Variants in LAMC1 observed in about 807,000 individuals in gnomAD.
LAMC1 encodes laminin subunit gamma 1.
Under a neutral mutation model 173.6 loss-of-function variants are expected in LAMC1, and 38 were observed. That is an observed-to-expected ratio of 0.22 (90% CI 0.17 to 0.29). The LOEUF (loss-of-function observed/expected upper bound fraction) is 0.29, where lower values mean the gene tolerates loss of function less well. LAMC1 is among the 10% of genes least tolerant of loss of function. The pLI is 1.00. For missense variants in LAMC1, 1,824 were observed against 2,051.8 expected (o/e 0.89, Z 2.14); for synonymous variants, 746 against 749.1 (o/e 1.00, Z 0.07).
Position 183,114,425 on chromosome 1 carries a change from A to G in LAMC1, c.1022-106A>G, listed in dbSNP as rs954955356. The G allele has an allele frequency of 7.2e-6, 8 of 1,112,526 alleles. No homozygotes were observed. In the East Asian group the frequency reaches 1.6e-4, roughly 23 times the overall value. 68.9% of individuals were successfully genotyped at this position (1,112,526 alleles called of 1,614,324 possible). A position where few individuals can be genotyped will look rare whatever the true frequency, so the allele number is the denominator to read the frequency against. Reference sequence around the variant, plus strand: ...TGGTAATCATTCTTAGTCTACCACCATCTGTCTGTCTCAGAGATGTGGGAA... The same window carrying G: ...TGGTAATCATTCTTAGTCTACCACCGTCTGTCTGTCTCAGAGATGTGGGAA... On this transcript the variant is annotated intron_variant, in intron 4 of 27. Coordinates refer to ENST00000258341, the MANE Select transcript of LAMC1 (RefSeq NM_002293.4).
intron 1 of LAMC1, among the ~76,000 whole-genome samples, chr1:183,030,951 A>G (rs1653833821): frequency 1.3e-5 from 2 of 152,172 alleles, no homozygotes; most frequent in African/African-American, 2.4e-5. Flanking sequence ...CGCCTGTTGA[A>G]TACCCACTAC....
chr1:183,024,855 G>A (rs1225155257), intron 1 of LAMC1, among the ~76,000 whole-genome samples: 2 of 152,166 alleles, frequency 1.3e-5, no homozygotes, highest in African/African-American at 4.8e-5. Context: ...TTCATTCAAA[G>A]CAACTGTAGA....
chr1:183,024,194 G>T (rs976873543), intron 1 of LAMC1, 60 bp downstream of exon 1: 86 of 1,466,648 alleles, frequency 5.9e-5, no homozygotes, highest in Non-Finnish European at 7.5e-5. Flanking sequence ...TCCCGGACCG[G>T]CTCCGTCCCA....
Position 183,117,454 on chromosome 1 carries a change from T to C in LAMC1, c.1687+12T>C. On this transcript the variant is annotated intron_variant, in intron 9 of 27. Transcript: ENST00000258341. ...CTTCATTGCTCCTGGTAAGTAAGGC[T>C]AGAAAGCAGTCTGACCTGCTGTGTG... The C allele has an allele frequency of 6.2e-7, 1 of 1,612,120 alleles. No individual in the cohort carries two copies. Among genetic ancestry groups the C allele is most frequent in the South Asian group, 1.1e-5 (1 of 90,980 alleles).
At chr1:183,101,761 C>T (rs1655839617) in intron 1 of LAMC1, among the ~76,000 whole-genome samples, 1 of 152,056 alleles carries the variant, frequency 6.6e-6, no homozygotes, top group Non-Finnish European at 1.5e-5. Flanking sequence ...CAAAATGCCC[C>T]ATCCTGTGTT....
At chr1:183,071,413 G>A (rs906318949) in intron 1 of LAMC1, among the ~76,000 whole-genome samples, 5 of 152,150 alleles carry the variant, frequency 3.3e-5, no homozygotes, top group African/African-American at 9.7e-5. Flanking sequence ...CTGGGCCCTG[G>A]GAAGACAAGT....
Position 183,131,348 on chromosome 1 carries a change from T to C in LAMC1, c.3536T>C (p.Leu1179Ser). ...STGDPNNMTL[L>S]AEEARKLAER... is the part of the protein sequence containing the mutation. ...GGGGACCCAAACAACATGACTCTTTTGGCAGAAGAGGCTCGAAAGCTTGCT... is the reference window on the plus strand; with the variant it reads ...GGGGACCCAAACAACATGACTCTTTCGGCAGAAGAGGCTCGAAAGCTTGCT... Residue 1179 changes from leucine to serine, a missense_variant, in exon 20 of 28, where the codon TTG becomes TCG. Leu to Ser is a moderately radical substitution (Grantham distance 145, BLOSUM62 -2). Coordinates refer to ENST00000258341, the MANE Select transcript of LAMC1 (RefSeq NM_002293.4). The C allele has an allele frequency of 6.2e-7, 1 of 1,613,862 alleles. No homozygotes were observed. The highest frequency in any genetic ancestry group is 8.5e-7 in the Non-Finnish European group (1 of 1,179,914).
chr1:183,071,169 G>T (rs1655002736), intron 1 of LAMC1, among the ~76,000 whole-genome samples: 1 of 151,508 alleles, frequency 6.6e-6, no homozygotes, highest in Non-Finnish European at 1.5e-5. Context: ...GTATGTGTGT[G>T]TTTGTGTGTG....
rs1188006990 is a variant in LAMC1 at position 183,024,092 on chromosome 1, G to C, written c.376G>C (p.Gly126Arg). 5.6e-6 allele frequency: 9 copies of C among 1,607,760 alleles called. No homozygotes were observed. Among genetic ancestry groups the C allele is most frequent in the Non-Finnish European group, 6.8e-6 (8 of 1,177,626 alleles). Residue 126 changes from glycine to arginine, a missense_variant, in exon 1 of 28, where the codon GGG becomes CGG. Coordinates refer to ENST00000258341, the MANE Select transcript of LAMC1 (RefSeq NM_002293.4). ...GTGGCAAAGCCAGACCATGCTGGCC[G>C]GGGTGCAGTACCCCAGCTCCATCAA... is the stretch of plus-strand genomic sequence containing the variant. ...TWWQSQTMLA[G>R]VQYPSSINLT...
chr1:183,129,082 C>CTTTTTTTTTTT (rs201079710), intron 18 of LAMC1, among the ~76,000 whole-genome samples: 1 of 110,016 alleles, frequency 9.1e-6, no homozygotes, highest in African/African-American at 3.6e-5. Flanking sequence ...TCTTCATAAG[C>CTTTTTTTTTTT]TTTTTTTTTT....
At chr1:183,090,494 C>T (rs1655538561) in intron 1 of LAMC1, among the ~76,000 whole-genome samples, 1 of 152,162 alleles carries the variant, frequency 6.6e-6, no homozygotes, top group Admixed American at 6.5e-5. Flanking sequence ...TTCGTTTATA[C>T]TTATGAAGGC....
intron 25 of LAMC1, among the ~76,000 whole-genome samples, chr1:183,137,164 A>G (rs993156660): frequency 2.0e-5 from 3 of 152,008 alleles, no homozygotes; most frequent in East Asian, 3.9e-4. Context: ...AATCAGAGAA[A>G]CCTCTTAGTT....
chr1:183,138,018 C>T (rs1412063795), intron 26 of LAMC1, 191 bp downstream of exon 26: 5 of 569,050 alleles, frequency 8.8e-6, no homozygotes, highest in Admixed American at 4.2e-5. Context: ...AATTTTGTTG[C>T]ACAATTGTCC....
intron 26 of LAMC1, chr1:183,138,223 A>G (rs769238136): frequency 2.8e-5 from 27 of 975,798 alleles, no homozygotes; most frequent in South Asian, 2.4e-4. Flanking sequence ...TCTTGTATAT[A>G]AGAAATTTTT....
At chr1:183,079,983 C>A (rs1234971451) in intron 1 of LAMC1, among the ~76,000 whole-genome samples, 2 of 152,024 alleles carry the variant, frequency 1.3e-5, no homozygotes, top group Non-Finnish European at 2.9e-5. Flanking sequence ...GTGGCTCATG[C>A]CTGTAATCCC....
chr1:183,109,946 G>C (rs1656097630), intron 3 of LAMC1, among the ~76,000 whole-genome samples: 1 of 152,104 alleles, frequency 6.6e-6, no homozygotes, highest in Admixed American at 6.5e-5. Context: ...CTTTAGGTCG[G>C]AATACTTTAA....
intron 20 of LAMC1, among the ~76,000 whole-genome samples, chr1:183,131,918 T>A (rs2102104809): frequency 6.6e-6 from 1 of 152,358 alleles, no homozygotes; most frequent in East Asian, 1.9e-4. Context: ...ATTCATAAAT[T>A]CAGCCCCACT....
At chr1:183,034,323 T>G (rs1287541586) in intron 1 of LAMC1, among the ~76,000 whole-genome samples, 1 of 152,156 alleles carries the variant, frequency 6.6e-6, no homozygotes, top group Non-Finnish European at 1.5e-5. Context: ...CAGGCTGGAG[T>G]GCAGTGGCAT....
rs183335004 is a variant in LAMC1 at position 183,050,639 on chromosome 1, C to T, written c.418+26505C>T. Among the ~76,000 whole-genome samples, 16 of 143,170 alleles carry T rather than the reference C, an allele frequency of 1.1e-4. No individual in the cohort carries two copies. The East Asian group carries it at 3.6e-3, about 33-fold the overall frequency. 93.9% of individuals were successfully genotyped at this position (143,170 alleles called of 152,430 possible). ...AGGCTCGGTGGCTCACGCCTGTAAT[C>T]CCAGCACTTTGGGAGGCTGAGGCTG... On this transcript the variant is annotated intron_variant, in intron 1 of 27. Transcript: ENST00000258341.
Sources: allele counts gnomAD v4.1 joint callset (sites outside exome capture counted in the v4.1 genomes callset), GRCh38; gene constraint gnomAD v4.1.1; transcripts MANE v1.5; gene names NCBI Gene and HGNC (gene_info 2026-07-23, HGNC 2026-07-21).